The following SCAI variants were observed in gnomAD, a reference collection of about 807,000 sequenced individuals.
SCAI encodes protein SCAI.
In SCAI, 24 loss-of-function variants were observed where a neutral mutation model predicts 92.2. The observed-to-expected ratio is 0.26, with a 90% CI of 0.19 to 0.37. The LOEUF is 0.37. SCAI is among the 10% of genes least tolerant of loss of function. The pLI, the probability that SCAI is intolerant of heterozygous loss-of-function variation, is 1.00. For synonymous variants in SCAI, 261 were observed against 258.6 expected (o/e 1.01, Z -0.09); for missense variants, 450 against 736.2 (o/e 0.61, Z 4.50).
At chr9:124,982,991 C>A (rs79032811) in intron 14 of SCAI, among the ~76,000 whole-genome samples, 1 of 151,856 alleles carries the variant, frequency 6.6e-6, no homozygotes, top group Non-Finnish European at 1.5e-5. Context: ...TATCTCTACA[C>A]AAAATTTAAA....
At chr9:124,985,944 C>A (rs1831982149) in intron 14 of SCAI, among the ~76,000 whole-genome samples, 2 of 151,230 alleles carry the variant, frequency 1.3e-5, no homozygotes, top group Admixed American at 6.6e-5. Flanking sequence ...AATAAGTATG[C>A]TTATTAAGTT....
intron 2 of SCAI, among the ~76,000 whole-genome samples, chr9:125,123,154 G>A (rs1835192765): frequency 6.6e-6 from 1 of 152,138 alleles, no homozygotes. Flanking sequence ...CTGTGCTCAG[G>A]AGTTCAAGAC....
chr9:124,998,452 CA>C (rs369315605), intron 13 of SCAI, among the ~76,000 whole-genome samples: 1 of 139,382 alleles, frequency 7.2e-6, no homozygotes, highest in Non-Finnish European at 1.6e-5. Flanking sequence ...GATTCCATCT[CA>C]AAAAAAAAAC....
At chr9:124,983,422 G>A (rs1831926865) in intron 14 of SCAI, among the ~76,000 whole-genome samples, 2 of 152,152 alleles carry the variant, frequency 1.3e-5, no homozygotes, top group African/African-American at 4.8e-5. Context: ...GGCGATCTCA[G>A]CTCACTGCAA....
chr9:124,978,555 T>A (rs1831809000), intron 14 of SCAI, among the ~76,000 whole-genome samples: 1 of 152,218 alleles, frequency 6.6e-6, no homozygotes, highest in Non-Finnish European at 1.5e-5. Context: ...TATAAATTGA[T>A]ATAAACACTT....
At chr9:125,069,887 G>A (rs866407079) in intron 2 of SCAI, among the ~76,000 whole-genome samples, 2 of 152,072 alleles carry the variant, frequency 1.3e-5, no homozygotes, top group Non-Finnish European at 2.9e-5. Flanking sequence ...CTCCCAAAGT[G>A]CTGAGGTTAC....
intron 17 of SCAI, among the ~76,000 whole-genome samples, chr9:124,969,347 T>C (rs1831607259): frequency 6.6e-6 from 1 of 151,982 alleles, no homozygotes; most frequent in Admixed American, 6.6e-5. Context: ...TGTTCAGGCA[T>C]ATTTGAAAAA....
At chr9:125,130,656 G>A (rs1378895485) in intron 2 of SCAI, among the ~76,000 whole-genome samples, 1 of 151,694 alleles carries the variant, frequency 6.6e-6, no homozygotes, top group Non-Finnish European at 1.5e-5. Flanking sequence ...TAGGACTACA[G>A]CTGCACACCA....
At chr9:125,081,480 C>G (rs895907649) in intron 2 of SCAI, among the ~76,000 whole-genome samples, 6 of 152,160 alleles carry the variant, frequency 3.9e-5, no homozygotes, top group African/African-American at 1.2e-4. Flanking sequence ...GGAACTTTGA[C>G]CTTGACAGAG....
At position 125,028,399 on chromosome 9, in the gene SCAI, G is replaced by T; in HGVS notation, c.406C>A (p.His136Asn). The T allele has an allele frequency of 1.3e-6, 2 of 1,566,630 alleles. No individual in the cohort carries two copies. Among genetic ancestry groups the T allele is most frequent in the Non-Finnish European group, 1.7e-6 (2 of 1,144,530 alleles). ...IASKIGQLYY[H>N]YYLRTSETSY... is the part of the protein sequence containing the mutation. ...CATGTGTAATTTACTTACTAATAAT[G>T]ATAGTATAGCTGCCCAATCTTGGAA... Residue 136 changes from histidine (H) to asparagine (N), a missense_variant, in exon 5 of 18, where the codon CAT (histidine) becomes AAT (asparagine). Physicochemically the swap from His to Asn is moderately conservative, Grantham distance 68. This residue lies in a region of SCAI where 360 missense variants were observed against 601.8 expected (regional missense o/e 0.60). Coordinates refer to ENST00000336505, the MANE Select transcript of SCAI (RefSeq NM_001144877.3).
At chr9:125,054,514 G>GA (rs1302166763) in intron 3 of SCAI, among the ~76,000 whole-genome samples, 2 of 143,486 alleles carry the variant, frequency 1.4e-5, no homozygotes, top group African/African-American at 5.2e-5. Context: ...AAATGTTGAA[G>GA]AAAAAAAATA....
intron 3 of SCAI, among the ~76,000 whole-genome samples, chr9:125,039,164 G>A (rs1833263237): frequency 6.6e-6 from 1 of 152,128 alleles, no homozygotes; most frequent in African/African-American, 2.4e-5. Flanking sequence ...AAGGTGGGCA[G>A]GTCACAAGGT....
chr9:125,138,528 C>A (rs907081750), intron 2 of SCAI, among the ~76,000 whole-genome samples: 5 of 152,140 alleles, frequency 3.3e-5, no homozygotes, highest in Non-Finnish European at 7.3e-5. Context: ...CATTCTCCTG[C>A]CTCAGCCTCC....
intron 14 of SCAI, among the ~76,000 whole-genome samples, chr9:124,988,094 AG>A (rs1355512391): frequency 6.6e-6 from 1 of 152,040 alleles, no homozygotes; most frequent in African/African-American, 2.4e-5. Flanking sequence ...CACACGCTTC[AG>A]GGAAAACATG....
intron 17 of SCAI, among the ~76,000 whole-genome samples, chr9:124,955,071 G>C (rs1831292860): frequency 2.0e-5 from 3 of 152,020 alleles, no homozygotes. Flanking sequence ...GAGAGGGTGA[G>C]GCAGGAGAAT....
intron 2 of SCAI, among the ~76,000 whole-genome samples, chr9:125,061,863 A>T (rs1235352051): frequency 1.3e-5 from 2 of 152,146 alleles, no homozygotes; most frequent in Non-Finnish European, 1.5e-5. Context: ...GCAAAAGGAA[A>T]ATAATCAAAA....
At chr9:125,029,576 G>A in intron 4 of SCAI, 68 bp downstream of exon 4, 1 of 840,886 alleles carries the variant, frequency 1.2e-6, no homozygotes, top group Non-Finnish European at 1.9e-6. Flanking sequence ...CACTGAAGTA[G>A]TGAAGATAAA....
intron 2 of SCAI, among the ~76,000 whole-genome samples, chr9:125,128,140 C>A (rs1835315476): frequency 6.6e-6 from 1 of 152,076 alleles, no homozygotes; most frequent in Admixed American, 6.6e-5. Flanking sequence ...AAGTGAGACA[C>A]CCATCAATAC....
intron 2 of SCAI, among the ~76,000 whole-genome samples, chr9:125,106,122 A>AAAAAAAATATATATATATAT (rs1554791724): frequency 1.1e-4 from 1 of 8,864 alleles, no homozygotes; most frequent in African/African-American, 2.3e-4. Context: ...AAAAAAAAAA[A>AAAAAAAATATATATATATAT]ATATATATAT....
Sources: allele counts gnomAD v4.1 joint callset (sites outside exome capture counted in the v4.1 genomes callset), GRCh38; gene constraint gnomAD v4.1.1; regional missense constraint gnomAD v4.1.1; transcripts MANE v1.5; gene names NCBI Gene and HGNC (gene_info 2026-07-23, HGNC 2026-07-21).